GTPBP4: variants seen among roughly 807,000 people sequenced by gnomAD.
GTPBP4 encodes GTP binding protein 4.
Under a neutral mutation model 81.7 loss-of-function variants are expected in GTPBP4, and 15 were observed. The observed-to-expected ratio is 0.18, with a 90% CI of 0.12 to 0.28. The LOEUF is 0.28. Among genes scored for constraint, GTPBP4 ranks in the 10% least tolerant of loss-of-function variants. GTPBP4 has a pLI of 1.00. For missense variants in GTPBP4, 847 were observed against 793.8 expected (o/e 1.07, Z -0.81); for synonymous variants, 272 against 274.6 (o/e 0.99, Z 0.09).
Position 1,015,787 on chromosome 10 carries a change from G to C in GTPBP4, c.1643G>C (p.Ser548Thr). ...HYAVQARRSR[S>T]ITRKRKREDS... ...GCAGTCCAGGCAAGAAGATCCCGGA[G>C]CATCACTAGGAAAAGAAAGCGGGAA... The change falls in exon 16 of 17, where the codon AGC becomes ACC. Residue 548 changes from serine to threonine, a missense_variant. By Grantham distance (58) the Ser-to-Thr change is moderately conservative. Around this residue, in one of 3 missense-constraint regions of GTPBP4, gnomAD observed 600 missense variants for 557.1 expected, o/e 1.08. Coordinates refer to ENST00000360803, the MANE Select transcript of GTPBP4 (RefSeq NM_012341.3). 1 of 1,614,162 alleles carries C rather than the reference G, an allele frequency of 6.2e-7. No homozygotes were observed. The highest frequency in any genetic ancestry group is 8.5e-7 in the Non-Finnish European group (1 of 1,179,998).
intron 16 of GTPBP4, 108 bp downstream of exon 16, chr10:1,016,004 G>A (rs1831986039): frequency 2.0e-6 from 2 of 1,022,634 alleles, no homozygotes; most frequent in Admixed American, 2.0e-5. Context: ...TATGGCAGGG[G>A]TTGTGTGTAC....
chr10:996,837 T>A (rs1831545273), intron 4 of GTPBP4: 1 of 209,968 alleles, frequency 4.8e-6, no homozygotes, highest in Non-Finnish European at 9.4e-6. Context: ...GTAACCCATG[T>A]TGTAGCCCAA....
chr10:1,009,412 G>A, intron 11 of GTPBP4, 117 bp from the exon 12 acceptor site: 1 of 771,100 alleles, frequency 1.3e-6, no homozygotes, highest in Non-Finnish European at 2.3e-6. Flanking sequence ...AATGGAAGGT[G>A]AACCCCACTG....
chr10:998,178 C>T (rs1282479718), intron 5 of GTPBP4, among the ~76,000 whole-genome samples: 5 of 152,110 alleles, frequency 3.3e-5, no homozygotes, highest in Non-Finnish European at 7.3e-5. Flanking sequence ...TGGCTCGCTG[C>T]AGCCTCAACC....
chr10:1,001,009 A>G lies in GTPBP4; in HGVS notation c.908A>G (p.Asp303Gly). 6.3e-7 allele frequency: 1 copy of G among 1,590,152 alleles called. No homozygotes were observed. The highest frequency in any genetic ancestry group is 8.6e-7 in the Non-Finnish European group (1 of 1,158,102). The change falls in exon 8 of 17, where the codon GAT becomes GGT. Residue 303 changes from aspartate to glycine, a missense_variant. Asp to Gly is a moderately conservative substitution (Grantham distance 94). Coordinates refer to ENST00000360803, the MANE Select transcript of GTPBP4 (RefSeq NM_012341.3). The stretch of plus-strand genomic sequence containing the variant: ...AGAATAGCTGAACTTTCTGAAGATG[A>G]TCAGGTAAATCACGTTAATATTTTG... ...VKRIAELSEDDQKIFTDLQSE... is the reference protein window; with the variant it reads ...VKRIAELSEDGQKIFTDLQSE...
In GTPBP4 at chr10:1,010,295, G is replaced by A. The variant is rs570985630; in HGVS notation, c.1244-125G>A. The A allele has an allele frequency of 2.3e-4, 147 of 632,918 alleles. 2 individuals carry two copies. The highest frequency in any genetic ancestry group is 2.2e-3 in the South Asian group (115 of 52,544). 39.2% of individuals were successfully genotyped at this position (632,918 alleles called of 1,614,324 possible). A position where few individuals can be genotyped will look rare whatever the true frequency, so the allele number is the denominator to read the frequency against. On this transcript the variant is annotated intron_variant, in intron 12 of 16. Transcript: ENST00000360803. ...TGTTGATGCTGCTGCATGTGGAATT[G>A]CACGTCGTGCTCTCTTCTGCAGTGG...
chr10:992,712 C>A, intron 2 of GTPBP4, 53 bp downstream of exon 2: 2 of 1,108,912 alleles, frequency 1.8e-6, no homozygotes, highest in Non-Finnish European at 2.7e-6. Flanking sequence ...TTTCAGAGAA[C>A]CAGTGTTTAA....
intron 1 of GTPBP4, among the ~76,000 whole-genome samples, chr10:991,439 A>T (rs185258993): frequency 6.6e-6 from 1 of 152,330 alleles, no homozygotes; most frequent in Admixed American, 6.5e-5. Context: ...TGGGTAACTC[A>T]TGCAAAAATC....
Position 1,017,171 on chromosome 10 carries a change from A to C in GTPBP4, c.1849A>C (p.Lys617Gln). 6.2e-7 allele frequency: 1 copy of C among 1,614,002 alleles called. No individual in the cohort carries two copies. Among genetic ancestry groups the C allele is most frequent in the Non-Finnish European group, 8.5e-7 (1 of 1,179,826 alleles). ...GGCGGATAGACACGTGTTTGATATG[A>C]AGCCCAAGCACTTGCTGTCTGGGAA... ...GEADRHVFDM[K>Q]PKHLLSGKRK... The change falls in exon 17 of 17, where the codon AAG (lysine) becomes CAG (glutamine). Residue 617 changes from lysine to glutamine, a missense_variant. By Grantham distance (53) the Lys-to-Gln change is moderately conservative. This residue lies in a region of GTPBP4 where 600 missense variants were observed against 557.1 expected (regional missense o/e 1.08). Coordinates refer to ENST00000360803, the MANE Select transcript of GTPBP4 (RefSeq NM_012341.3).
At chr10:1,016,144 G>A (rs563471617) in intron 16 of GTPBP4, among the ~76,000 whole-genome samples, 1 of 152,324 alleles carries the variant, frequency 6.6e-6, no homozygotes, top group African/African-American at 2.4e-5. Flanking sequence ...CCAGAGCATG[G>A]TCTGACAGCA....
In GTPBP4 at chr10:1,012,679, C is replaced by A; in HGVS notation, c.1542+17C>A. On this transcript the variant is annotated intron_variant, in intron 14 of 16. Transcript: ENST00000360803. ...GCTAAGAAGGCAAGTTTGTGTCTTT[C>A]CAAAGCAGTGTGATCTAGTTTTTGA... is the stretch of plus-strand genomic sequence containing the variant. 6.3e-7 allele frequency: 1 copy of A among 1,586,298 alleles called. No homozygotes were observed. The highest frequency in any genetic ancestry group is 1.1e-5 in the South Asian group (1 of 89,200).
At chr10:1,003,427 G>C (rs557036282) in intron 8 of GTPBP4, among the ~76,000 whole-genome samples, 1 of 152,290 alleles carries the variant, frequency 6.6e-6, no homozygotes, top group Admixed American at 6.5e-5. Context: ...TGTTCCTAGA[G>C]AGTTAATATT....
Position 1,019,542 on chromosome 10 carries a change from T to C in GTPBP4, c.*2315T>C. 1.9e-6 allele frequency: 3 copies of C among 1,613,176 alleles called. No individual in the cohort carries two copies. Among genetic ancestry groups the C allele is most frequent in the Non-Finnish European group, 2.5e-6 (3 of 1,179,368 alleles). ...TCACACTCTGTGTATTTTGTGAAGC[T>C]CCACAAACGGGGTCACGTCATCCAG... On this transcript the variant is annotated 3_prime_UTR_variant, in exon 17 of 17. Coordinates refer to ENST00000360803, the MANE Select transcript of GTPBP4 (RefSeq NM_012341.3).
In GTPBP4 at chr10:1,007,303, G is replaced by C. The variant is rs943960084; in HGVS notation, c.1113+175G>C. ...GGATCGAGAAGGTGAAGAAAGTGCA[G>C]AACGCCACATGGCACCCGTTTCCCA... is the stretch of plus-strand genomic sequence containing the variant. On this transcript the variant is annotated intron_variant, in intron 10 of 16. Coordinates refer to ENST00000360803, the MANE Select transcript of GTPBP4 (RefSeq NM_012341.3). The C allele has an allele frequency of 2.2e-5, 12 of 556,764 alleles. No individual in the cohort carries two copies. The South Asian group carries it at 2.8e-4, about 13-fold the overall frequency. The allele number at this position is 556,764 out of a possible 1,614,324, so 34.5% of individuals were successfully genotyped here. A position where few individuals can be genotyped will look rare whatever the true frequency, so the allele number is the denominator to read the frequency against.
chr10:1,012,553 T>C lies in GTPBP4; in HGVS notation c.1433T>C (p.Leu478Pro). 3 of 1,613,496 alleles carry C rather than the reference T, an allele frequency of 1.9e-6. No individual in the cohort carries two copies. The highest frequency in any genetic ancestry group is 1.1e-5 in the South Asian group (1 of 91,068). ...SVSESEDEEM[L>P]EIRQLAKQIR... The stretch of plus-strand genomic sequence containing the variant: ...TCTGAGAGTGAAGACGAAGAGATGC[T>C]GGAAATCCGACAGCTGGCAAAGCAA... Residue 478 changes from leucine to proline, a missense_variant, in exon 14 of 17, where the codon CTG (leucine) becomes CCG (proline). By Grantham distance (98) the Leu-to-Pro change is moderately conservative. Around this residue, in one of 3 missense-constraint regions of GTPBP4, gnomAD observed 600 missense variants for 557.1 expected, o/e 1.08. Coordinates refer to ENST00000360803, the MANE Select transcript of GTPBP4 (RefSeq NM_012341.3).
intron 8 of GTPBP4, among the ~76,000 whole-genome samples, chr10:1,001,359 T>TG (rs1831627724): frequency 6.6e-6 from 1 of 152,184 alleles, no homozygotes; most frequent in Non-Finnish European, 1.5e-5. Flanking sequence ...TAAATGAGTT[T>TG]GGAGACTAAT....
At chr10:1,012,431 T>A (rs1831895188) in intron 13 of GTPBP4, 34 bp from the exon 14 acceptor site, 2 of 1,454,758 alleles carry the variant, frequency 1.4e-6, no homozygotes, top group African/African-American at 2.8e-5. Context: ...TTTCTCATTG[T>A]TAATTTTGCT....
At chr10:1,013,323 CTT>C (rs1320475491) in intron 14 of GTPBP4, among the ~76,000 whole-genome samples, 1 of 150,706 alleles carries the variant, frequency 6.6e-6, no homozygotes, top group Non-Finnish European at 1.5e-5. Flanking sequence ...AATCTGGACT[CTT>C]TAGGCCGGGC....
Position 1,000,990 on chromosome 10 carries a change from G to C in GTPBP4, c.889G>C (p.Ala297Pro). The part of the protein sequence containing the change: ...VANKCDVKRI[A>P]ELSEDDQKIF... ...CAACAAATGTGATGTGAAGAGAATA[G>C]CTGAACTTTCTGAAGATGATCAGGT... Residue 297 changes from alanine (A) to proline (P), a missense_variant, in exon 8 of 17, where the codon GCT becomes CCT. By Grantham distance (27) the Ala-to-Pro change is conservative. Coordinates refer to ENST00000360803, the MANE Select transcript of GTPBP4 (RefSeq NM_012341.3). 1 of 1,609,052 alleles carries C rather than the reference G, an allele frequency of 6.2e-7. No individual in the cohort carries two copies.
Sources: allele counts gnomAD v4.1 joint callset (sites outside exome capture counted in the v4.1 genomes callset), GRCh38; gene constraint gnomAD v4.1.1; regional missense constraint gnomAD v4.1.1; transcripts MANE v1.5; gene names NCBI Gene and HGNC (gene_info 2026-07-23, HGNC 2026-07-21).